Variants in LAMA5 observed in about 807,000 individuals in gnomAD.
The protein encoded by LAMA5 is laminin subunit alpha-5.
Under a neutral mutation model 433.4 loss-of-function variants are expected in LAMA5, and 260 were observed. That is an observed-to-expected ratio of 0.60 (90% CI 0.54 to 0.66). The LOEUF (loss-of-function observed/expected upper bound fraction) is 0.66. Among genes scored for constraint, LAMA5 ranks in the 30% least tolerant of loss-of-function variants. The probability of loss-of-function intolerance (pLI) is 0.00; values close to 1 mark genes in which losing one functional copy is unlikely to be tolerated. For synonymous variants in LAMA5, 2,620 were observed against 2,226.6 expected (o/e 1.18, Z -4.97); for missense variants, 5,378 against 5,258.5 (o/e 1.02, Z -0.70).
At chr20:62,336,691 G>GGGTC (rs1568949689) in intron 17 of LAMA5, 43 bp downstream of exon 17, 1 of 1,607,084 alleles carries the variant, frequency 6.2e-7, no homozygotes, top group Admixed American at 1.7e-5. Flanking sequence ...AGCTTGGCCT[G>GGGTC]GGTCCTCACC....
intron 2 of LAMA5, among the ~76,000 whole-genome samples, chr20:62,361,440 A>G (rs1015900247): frequency 1.3e-5 from 2 of 152,140 alleles, no homozygotes; most frequent in Non-Finnish European, 1.5e-5. Context: ...GCAGACCACC[A>G]AGGCTGCCAA....
At chr20:62,337,566 G>A (rs1336032582) in intron 16 of LAMA5, 24 bp downstream of exon 16, 2 of 1,580,600 alleles carry the variant, frequency 1.3e-6, no homozygotes, top group Non-Finnish European at 1.7e-6. Flanking sequence ...GGCACCTGGT[G>A]CACACAGCCA....
Position 62,328,923 on chromosome 20 carries a change from C to G in LAMA5, c.4368G>C (p.Gln1456His), listed in dbSNP as rs1319111942. The G allele has an allele frequency of 2.5e-6, 4 of 1,611,610 alleles. No homozygotes were observed. Among genetic ancestry groups the G allele is most frequent in the Non-Finnish European group, 3.4e-6 (4 of 1,179,148 alleles). The change falls in exon 34 of 80, where the codon CAG becomes CAC. Residue 1456 changes from glutamine to histidine, a missense_variant. Gln to His is a conservative substitution (Grantham distance 24). Coordinates refer to ENST00000252999, the MANE Select transcript of LAMA5 (RefSeq NM_005560.6). ...TGPTCEPFGG[Q>H]CPCHAHVIGR... ...CAATGACATGGGCATGGCAGGGACACTGGCCCCCGAAGGGCTCACACGTGG... is the reference window on the plus strand; with the variant it reads ...CAATGACATGGGCATGGCAGGGACAGTGGCCCCCGAAGGGCTCACACGTGG...
chr20:62,327,193 A>C lies in LAMA5; in HGVS notation c.5112+40T>G, dbSNP rs754953326. ...CCCAACCCTCTCAGGCGTCCTGGCC[A>C]TCCTCAAAGTGCCTCCCCCAGACCT... On this transcript the variant is annotated intron_variant, in intron 38 of 79. Transcript: ENST00000252999. 5 of 1,458,668 alleles carry C rather than the reference A, an allele frequency of 3.4e-6. No homozygotes were observed. The South Asian group carries it at 7.2e-5, about 21-fold the overall frequency. The allele number at this position is 1,458,668 out of a possible 1,614,324, so 90.4% of individuals were successfully genotyped here.
At chr20:62,350,136 G>A (rs1456722868) in intron 6 of LAMA5, among the ~76,000 whole-genome samples, 1 of 151,862 alleles carries the variant, frequency 6.6e-6, no homozygotes, top group South Asian at 2.1e-4. Flanking sequence ...TGAGTCAGGG[G>A]ATGGCAATGT....
chr20:62,311,033 G>A lies in LAMA5; in HGVS notation c.10150C>T (p.Arg3384Cys), dbSNP rs372383112. 21 of 1,608,888 alleles carry A rather than the reference G, an allele frequency of 1.3e-5. No individual in the cohort carries two copies. Among genetic ancestry groups the A allele is most frequent in the Middle Eastern group, 1.7e-4 (1 of 6,046 alleles). The change falls in exon 74 of 80, where the codon CGT (arginine) becomes TGT (cysteine). Residue 3384 changes from arginine (R) to cysteine (C), a missense_variant. By Grantham distance (180) the Arg-to-Cys change is radical. Coordinates refer to ENST00000252999, the MANE Select transcript of LAMA5 (RefSeq NM_005560.6). ...SSRGLLLFTA[R>C]LRPGSPSLAL... ...AGGGAGGGGCTGCCGGGCCTCAGAC[G>A]GGCAGTGAAGAGGAGGAGGCCTCGG...
rs952866522 is a variant in LAMA5 at position 62,359,998 on chromosome 20, C to T, written c.450+2402G>A. Among the ~76,000 whole-genome samples, 3 of 150,822 alleles carry T rather than the reference C, an allele frequency of 2.0e-5. No homozygotes were observed. The highest frequency in any genetic ancestry group is 7.3e-5 in the African/African-American group (3 of 40,980). On this transcript the variant is annotated intron_variant, in intron 2 of 79. Transcript: ENST00000252999. This position sits in a 1 kb window ranked among gnomAD's most constrained non-coding sequence, Gnocchi z 4.3. ...CAGAACAAAGGCTGCTGGCAGCCCG[C>T]TGCAGGGGGAGTGCCCGGACCCACC...
rs754618688 is a variant in LAMA5 at position 62,322,138 on chromosome 20, G to T, written c.6377C>A (p.Pro2126His). The T allele has an allele frequency of 1.2e-6, 2 of 1,600,674 alleles. No homozygotes were observed. Among genetic ancestry groups the T allele is most frequent in the Non-Finnish European group, 1.7e-6 (2 of 1,176,716 alleles). Residue 2126 changes from proline (P) to histidine (H), a missense_variant, in exon 48 of 80, where the codon CCT becomes CAT. Pro to His is a moderately conservative substitution (Grantham distance 77). Transcript: ENST00000252999. ...RCQCPGGRCDPHTGRCNCPPG... is the reference protein window; with the variant it reads ...RCQCPGGRCDHHTGRCNCPPG... ...GGGGCAGTTGCAGCGGCCCGTGTGAGGGTCACAGCGGCCCCCAGGGCACTG... is the reference window on the plus strand; with the variant it reads ...GGGGCAGTTGCAGCGGCCCGTGTGATGGTCACAGCGGCCCCCAGGGCACTG...
At chr20:62,345,720 A>G in intron 11 of LAMA5, 98 bp downstream of exon 11, 1 of 845,948 alleles carries the variant, frequency 1.2e-6, no homozygotes, top group Middle Eastern at 2.3e-4. Flanking sequence ...AAATAAAGTG[A>G]CCAAATGAAA....
chr20:62,336,224 AC>A (rs1981602230), intron 18 of LAMA5, 115 bp downstream of exon 18: 1 of 685,870 alleles, frequency 1.5e-6, no homozygotes, highest in African/African-American at 2.0e-5. Flanking sequence ...TCCAGGGCAC[AC>A]TCACTGGCTC....
chr20:62,349,304 T>C (rs1382527235), intron 6 of LAMA5, among the ~76,000 whole-genome samples: 2 of 138,886 alleles, frequency 1.4e-5, no homozygotes, highest in African/African-American at 5.3e-5. Flanking sequence ...GCGTGAGTCC[T>C]GAGCAAGAAA....
chr20:62,322,149 GC>G lies in LAMA5; in HGVS notation c.6365del (p.Gly2122AlafsTer87). 2.5e-6 allele frequency: 4 copies of G among 1,597,518 alleles called. No homozygotes were observed. On this transcript the variant is annotated frameshift_variant, in exon 48 of 80. Coordinates refer to ENST00000252999, the MANE Select transcript of LAMA5 (RefSeq NM_005560.6). LOFTEE classifies it high-confidence loss of function. ...QGCRRCQCPGGRCDPHTGRCN... is the reference protein window; with the variant it reads ...QGCRRCQCPGXRCDPHTGRCN... ...AGCGGCCCGTGTGAGGGTCACAGCGGCCCCCAGGGCACTGGCAGCCTGTGGT... is the reference window on the plus strand; with the variant it reads ...AGCGGCCCGTGTGAGGGTCACAGCGGCCCCAGGGCACTGGCAGCCTGTGGT...
At chr20:62,362,011 G>A (rs1986180520) in intron 2 of LAMA5, among the ~76,000 whole-genome samples, 1 of 152,188 alleles carries the variant, frequency 6.6e-6, no homozygotes, top group African/African-American at 2.4e-5. Flanking sequence ...CTGCATTCCT[G>A]CAGCCCCTCC....
chr20:62,310,495 T>C lies in LAMA5; in HGVS notation c.10524A>G (p.Ala3508=), dbSNP rs758294696. Residue 3508 remains alanine, a synonymous_variant, in exon 76 of 80, where the codon GCA becomes GCG. Coordinates refer to ENST00000252999, the MANE Select transcript of LAMA5 (RefSeq NM_005560.6). ...GRPLGAPTRM[A]GVTPCILGPL... is the part of the protein sequence containing the mutation. The stretch of plus-strand genomic sequence containing the variant: ...GGCCCAAGATGCAGGGTGTGACCCC[T>C]GCCATCCGTGTGGGGGCCCCCAGGG... 1 of 1,568,584 alleles carries C rather than the reference T, an allele frequency of 6.4e-7. No individual in the cohort carries two copies.
chr20:62,316,841 G>C (rs1244965562), intron 56 of LAMA5, 41 bp downstream of exon 56: 1 of 1,540,236 alleles, frequency 6.5e-7, no homozygotes, highest in African/African-American at 1.4e-5. Flanking sequence ...CAGGCAGTGG[G>C]GGCGCTCCTG....
At chr20:62,316,479 C>T (rs1289543630) in intron 57 of LAMA5, among the ~76,000 whole-genome samples, 192 bp downstream of exon 57, 1 of 152,198 alleles carries the variant, frequency 6.6e-6, no homozygotes, top group East Asian at 1.9e-4. Context: ...GCTGCTCCTC[C>T]CTGGACTCCC....
Position 62,346,814 on chromosome 20 carries a change from A to AGCGCAGCT in LAMA5, c.1073-22_1073-15dup, listed in dbSNP as rs1489339764. 1 of 1,610,042 alleles carries AGCGCAGCT rather than the reference A, an allele frequency of 6.2e-7. No homozygotes were observed. The highest frequency in any genetic ancestry group is 8.5e-7 in the Non-Finnish European group (1 of 1,177,962). On this transcript the variant is annotated splice_polypyrimidine_tract_variant and intron_variant, in intron 7 of 79. Transcript: ENST00000252999. ...AGCAGTTACAGGCTAGAGAGAGGGG[A>AGCGCAGCT]GCGCAGCTGTTGGCACGCCCTCCAC...
chr20:62,353,820 C>G (rs924472668), intron 2 of LAMA5, among the ~76,000 whole-genome samples: 1 of 152,054 alleles, frequency 6.6e-6, no homozygotes, highest in Non-Finnish European at 1.5e-5. Flanking sequence ...TCTGCTCAGT[C>G]CCATGCTGAC....
chr20:62,311,276 T>C lies in LAMA5; in HGVS notation c.9974A>G (p.His3325Arg), dbSNP rs779355319. The change falls in exon 73 of 80, where the codon CAT becomes CGT. Residue 3325 changes from histidine to arginine, a missense_variant. By Grantham distance (29) the His-to-Arg change is conservative. Transcript: ENST00000252999. ...GTGTGGGGGCAGCATGCAGGCAGGA[T>C]GCCGGGCGGGCTGACGGCTGCGGCG... The part of the protein sequence containing the change: ...ASRRSRQPAR[H>R]PACMLPPHLR... 1.4e-5 allele frequency: 23 copies of C among 1,599,600 alleles called. No homozygotes were observed. Among genetic ancestry groups the C allele is most frequent in the Non-Finnish European group, 2.0e-5 (23 of 1,174,888 alleles).
Sources: gnomAD v4.1 joint callset for allele counts (sites outside exome capture counted in the v4.1 genomes callset) on GRCh38, gnomAD v4.1.1 for gene constraint, Gnocchi (gnomAD v3.1) non-coding constraint, MANE v1.5 for transcripts, NCBI Gene and HGNC (gene_info 2026-07-23, HGNC 2026-07-21) for gene names.